Variants in NEDD1 observed in about 807,000 individuals in gnomAD.
NEDD1 encodes the protein protein NEDD1.
Under a neutral mutation model 74.0 loss-of-function variants are expected in NEDD1, and 33 were observed. The observed-to-expected ratio is 0.45, with a 90% CI of 0.34 to 0.60. The LOEUF (loss-of-function observed/expected upper bound fraction) is 0.60, where lower values mean the gene tolerates loss of function less well. NEDD1 is among the 20% of genes least tolerant of loss of function. The pLI is 0.01. For missense variants in NEDD1, 746 were observed against 776.5 expected (o/e 0.96, Z 0.47); for synonymous variants, 250 against 264.4 (o/e 0.95, Z 0.53).
At chr12:96,948,604 C>A (rs148135973) in intron 14 of NEDD1, among the ~76,000 whole-genome samples, 31 of 152,234 alleles carry the variant, frequency 2.0e-4, no homozygotes, top group African/African-American at 7.0e-4. Flanking sequence ...TATACTTTTG[C>A]ACCAACCTAA....
intron 2 of NEDD1, among the ~76,000 whole-genome samples, chr12:96,908,875 A>T (rs2136500930): frequency 6.6e-6 from 1 of 152,296 alleles, no homozygotes; most frequent in South Asian, 2.1e-4. Flanking sequence ...TTATAAGAAC[A>T]AATAAAAATT....
intron 14 of NEDD1, among the ~76,000 whole-genome samples, chr12:96,948,531 G>C (rs1257181683): frequency 6.6e-6 from 1 of 152,098 alleles, no homozygotes. Context: ...GCTCTCGGTT[G>C]AATTTAAAAT....
chr12:96,944,611 A>G, intron 12 of NEDD1, 28 bp from the exon 13 acceptor site: 3 of 1,434,556 alleles, frequency 2.1e-6, no homozygotes. Flanking sequence ...ATTGTATATT[A>G]AAGTCATTAT....
At chr12:96,927,860 CT>C (rs1875881797) in intron 6 of NEDD1, among the ~76,000 whole-genome samples, 1 of 152,058 alleles carries the variant, frequency 6.6e-6, no homozygotes, top group African/African-American at 2.4e-5. Flanking sequence ...AAAACTTTGA[CT>C]ACAAAGACTT....
intron 5 of NEDD1, 67 bp from the exon 6 acceptor site, chr12:96,919,918 A>G: frequency 9.4e-7 from 1 of 1,066,456 alleles, no homozygotes; most frequent in African/African-American, 1.6e-5. Context: ...TGGTATTTAC[A>G]GAAACATGAA....
At chr12:96,928,546 C>T (rs571038814) in intron 6 of NEDD1, among the ~76,000 whole-genome samples, 1 of 151,928 alleles carries the variant, frequency 6.6e-6, no homozygotes, top group South Asian at 2.1e-4. Context: ...CTTTTGAAAC[C>T]CTTTTAAGTC....
At chr12:96,933,776 T>C (rs537128474) in intron 6 of NEDD1, among the ~76,000 whole-genome samples, 1 of 152,316 alleles carries the variant, frequency 6.6e-6, no homozygotes, top group East Asian at 1.9e-4. Context: ...TATAAATTCA[T>C]AGGGAAAAAT....
At chr12:96,913,618 C>G (rs554309763) in intron 4 of NEDD1, among the ~76,000 whole-genome samples, 45 of 152,170 alleles carry the variant, frequency 3.0e-4, no homozygotes, top group Non-Finnish European at 4.6e-4. Context: ...ATGATCCGCC[C>G]GCCTCAGCCT....
chr12:96,947,686 C>T (rs76505872), intron 14 of NEDD1, among the ~76,000 whole-genome samples: 1,524 of 152,306 alleles, frequency 0.01, 67 homozygotes, highest in East Asian at 0.094. Context: ...ACTCTGAAAT[C>T]GCTGTGCATT....
intron 3 of NEDD1, among the ~76,000 whole-genome samples, chr12:96,910,656 C>T (rs1242221834): frequency 6.6e-6 from 1 of 152,168 alleles, no homozygotes; most frequent in African/African-American, 2.4e-5. Flanking sequence ...TTGGTCTTCA[C>T]CCGTTAGGTA....
chr12:96,923,613 T>C (rs1025870593), intron 6 of NEDD1, among the ~76,000 whole-genome samples: 1 of 152,242 alleles, frequency 6.6e-6, no homozygotes, highest in Non-Finnish European at 1.5e-5. Flanking sequence ...TATTTTTATA[T>C]GCCTCTTGTG....
chr12:96,945,971 A>G (rs922450967), intron 14 of NEDD1, 122 bp downstream of exon 14: 7 of 589,638 alleles, frequency 1.2e-5, no homozygotes, highest in Admixed American at 2.8e-5. Context: ...TCCTAAAGCC[A>G]TAGAAAACAT....
chr12:96,910,144 T>TA (rs1384814930), intron 3 of NEDD1, among the ~76,000 whole-genome samples: 1 of 152,120 alleles, frequency 6.6e-6, no homozygotes, highest in Admixed American at 6.5e-5. Flanking sequence ...ACACTGCTAT[T>TA]AAAAAAAGTA....
rs748497881 is a variant in NEDD1 at position 96,936,697 on chromosome 12, G to T, written c.806G>T (p.Arg269Leu). Residue 269 changes from arginine (R) to leucine (L), a missense_variant, in exon 8 of 16, where the codon CGG becomes CTG. Physicochemically the swap from Arg to Leu is moderately radical, Grantham distance 102. Transcript: ENST00000266742. ...DGATLAIGSS[R>L]GKIYQYDLRM... ...GCCACTTTGGCTATTGGATCTTCCC[G>T]GGGGAAAATATATCAATATGATTTA... 3 of 1,612,696 alleles carry T rather than the reference G, an allele frequency of 1.9e-6. No individual in the cohort carries two copies. Among genetic ancestry groups the T allele is most frequent in the East Asian group, 2.2e-5 (1 of 44,874 alleles).
intron 12 of NEDD1, 88 bp from the exon 13 acceptor site, chr12:96,944,551 G>T: frequency 1.5e-6 from 1 of 682,886 alleles, no homozygotes; most frequent in South Asian, 2.3e-5. Flanking sequence ...TACATACTGG[G>T]ACAAAAGAGA....
intron 6 of NEDD1, among the ~76,000 whole-genome samples, chr12:96,929,554 TATACACACACACACAC>T (rs1319450861): frequency 4.8e-5 from 4 of 82,942 alleles, no homozygotes; most frequent in East Asian, 6.3e-4. Flanking sequence ...TGTTTTCATG[TATACACACACACACAC>T]ACACACACAC....
At position 96,911,758 on chromosome 12, in the gene NEDD1, A is replaced by G. The variant is rs776147226; in HGVS notation, c.137-965A>G. On this transcript the variant is annotated intron_variant, in intron 3 of 15. Coordinates refer to ENST00000266742, the MANE Select transcript of NEDD1 (RefSeq NM_152905.4). ...GGAAAGGGAAATGGTTTTTCTCGCT[A>G]TGGTAATATCTAGGTAGGAATGATT... 5.3e-5 allele frequency among the ~76,000 whole-genome samples: 8 copies of G among 152,104 alleles called. No individual in the cohort carries two copies. In the East Asian group the frequency reaches 1.3e-3, roughly 26 times the overall value.
intron 6 of NEDD1, among the ~76,000 whole-genome samples, chr12:96,928,609 C>T (rs1793800979): frequency 6.6e-6 from 1 of 150,896 alleles, no homozygotes; most frequent in South Asian, 2.1e-4. Context: ...TCTTTAAAGC[C>T]ACGTAATTTT....
chr12:96,919,470 T>C (rs900729228), intron 5 of NEDD1, among the ~76,000 whole-genome samples: 4 of 152,214 alleles, frequency 2.6e-5, no homozygotes, highest in African/African-American at 7.2e-5. Context: ...GTTTCTGTTA[T>C]CTCACAGATG....
Sources: allele counts gnomAD v4.1 joint callset (sites outside exome capture counted in the v4.1 genomes callset), GRCh38; gene constraint gnomAD v4.1.1; transcripts MANE v1.5; gene names NCBI Gene and HGNC (gene_info 2026-07-23, HGNC 2026-07-21).